The following URI1 variants were observed in gnomAD, a reference collection of about 807,000 sequenced individuals.
URI1 encodes unconventional prefoldin RPB5 interactor 1.
A neutral mutation model predicts 60.2 loss-of-function variants in URI1; 39 were observed. That is an observed-to-expected ratio of 0.65 (90% CI 0.50 to 0.85). The LOEUF is 0.85. URI1 is among the 40% of genes least tolerant of loss of function. The pLI is 0.00. For synonymous variants in URI1, 251 were observed against 236.8 expected (o/e 1.06, Z -0.55); for missense variants, 691 against 665.9 (o/e 1.04, Z -0.42).
At chr19:29,991,105 A>T (rs1283808165) in intron 4 of URI1, among the ~76,000 whole-genome samples, 1 of 152,088 alleles carries the variant, frequency 6.6e-6, no homozygotes, top group Non-Finnish European at 1.5e-5. Context: ...TTGCCTTTCC[A>T]TATACATTTT....
chr19:29,970,257 C>G (rs2055443152), intron 1 of URI1, among the ~76,000 whole-genome samples: 3 of 147,864 alleles, frequency 2.0e-5, no homozygotes, highest in Admixed American at 6.9e-5. Context: ...TAATGCTGCT[C>G]TCTTTTTCTC....
intron 3 of URI1, 57 bp downstream of exon 3, chr19:29,985,358 A>G (rs2055655686): frequency 1.1e-5 from 16 of 1,431,586 alleles, no homozygotes; most frequent in Non-Finnish European, 1.5e-5. Context: ...CATATTAACT[A>G]TGTGTCGGTT....
chr19:30,005,178 A>G (rs1312292438), intron 4 of URI1, among the ~76,000 whole-genome samples, 183 bp from the exon 5 acceptor site: 1 of 152,060 alleles, frequency 6.6e-6, no homozygotes, highest in Non-Finnish European at 1.5e-5. Context: ...AATGTGCTAT[A>G]TATATAGCAC....
At chr19:29,939,308 T>C (rs1305271494), upstream of URI1, among the ~76,000 whole-genome samples, 3 of 141,074 alleles carry the variant, frequency 2.1e-5, no homozygotes, top group Non-Finnish European at 4.6e-5. Flanking sequence ...GAAGTGTCAT[T>C]CTGTTGCCCA....
At chr19:29,995,252 G>C (rs965795136) in intron 4 of URI1, among the ~76,000 whole-genome samples, 2 of 151,980 alleles carry the variant, frequency 1.3e-5, no homozygotes, top group African/African-American at 4.8e-5. Context: ...ATATCATCAA[G>C]GAATATAGTT....
chr19:29,960,229 A>G (rs1599675857), intron 1 of URI1, among the ~76,000 whole-genome samples: 2 of 151,906 alleles, frequency 1.3e-5, no homozygotes, highest in Non-Finnish European at 2.9e-5. Flanking sequence ...ATTTTTCATA[A>G]TTTACTTGGA....
At position 30,009,115 on chromosome 19, in the gene URI1, C is replaced by T. The variant is rs1232561088; in HGVS notation, c.797C>T (p.Thr266Ile). 1 of 1,613,732 alleles carries T rather than the reference C, an allele frequency of 6.2e-7. No homozygotes were observed. ...NAMHQVTDSH[T>I]PCHKDVASSE... ...ATGCATCAAGTAACAGACTCTCATACTCCTTGTCATAAGGATGTTGCAAGT... is the reference window on the plus strand; with the variant it reads ...ATGCATCAAGTAACAGACTCTCATATTCCTTGTCATAAGGATGTTGCAAGT... Residue 266 changes from threonine to isoleucine, a missense_variant, in exon 8 of 11, where the codon ACT becomes ATT. Transcript: ENST00000392271.
At chr19:29,986,919 GC>G (rs2055678830) in intron 4 of URI1, among the ~76,000 whole-genome samples, 1 of 152,132 alleles carries the variant, frequency 6.6e-6, no homozygotes, top group Non-Finnish European at 1.5e-5. Flanking sequence ...GTGAAAAGGT[GC>G]TACCTAAAAC....
chr19:29,957,738 A>G (rs1258508374), intron 1 of URI1, among the ~76,000 whole-genome samples: 1 of 152,174 alleles, frequency 6.6e-6, no homozygotes, highest in African/African-American at 2.4e-5. Flanking sequence ...AGATGTTTAC[A>G]ATATTAAGTT....
intron 9 of URI1, 81 bp downstream of exon 9, chr19:30,011,317 A>G: frequency 6.7e-7 from 1 of 1,490,994 alleles, no homozygotes; most frequent in Non-Finnish European, 8.9e-7. Context: ...GAGAAAGTTG[A>G]CTGTAACACA....
intron 7 of URI1, among the ~76,000 whole-genome samples, chr19:30,008,382 T>A (rs1299349345): frequency 6.6e-6 from 1 of 152,136 alleles, no homozygotes; most frequent in African/African-American, 2.4e-5. Context: ...CTATTCATTT[T>A]TTAAAACCAG....
intron 1 of URI1, among the ~76,000 whole-genome samples, chr19:29,943,230 G>T (rs2055055785): frequency 6.6e-6 from 1 of 151,966 alleles, no homozygotes; most frequent in Non-Finnish European, 1.5e-5. Context: ...AAAGTGTTGG[G>T]ATTATAGGCC....
At chr19:30,002,553 A>C (rs2055891492) in intron 4 of URI1, among the ~76,000 whole-genome samples, 1 of 152,032 alleles carries the variant, frequency 6.6e-6, no homozygotes. Flanking sequence ...AAATAAATAA[A>C]AACTATACCT....
intron 1 of URI1, among the ~76,000 whole-genome samples, chr19:29,967,722 C>T (rs1278934593): frequency 6.6e-6 from 1 of 152,188 alleles, no homozygotes; most frequent in African/African-American, 2.4e-5. Flanking sequence ...TGGTTGGAAG[C>T]AGGCCAGTAT....
intron 2 of URI1, among the ~76,000 whole-genome samples, chr19:29,984,055 C>T (rs889110960): frequency 5.9e-5 from 9 of 152,194 alleles, no homozygotes; most frequent in African/African-American, 2.2e-4. Context: ...CTGATGAGGA[C>T]TAAAGCATCT....
At chr19:29,984,246 C>T (rs115785799) in intron 2 of URI1, among the ~76,000 whole-genome samples, 3 of 151,904 alleles carry the variant, frequency 2.0e-5, no homozygotes, top group African/African-American at 4.8e-5. Flanking sequence ...GCCAACGTGG[C>T]GAAGAAACCT....
upstream of URI1, among the ~76,000 whole-genome samples, chr19:29,941,491 C>T (rs558038425): frequency 2.0e-5 from 3 of 152,050 alleles, no homozygotes; most frequent in South Asian, 4.2e-4. Context: ...TGTGTTGGTG[C>T]GGGCCAGTGG....
At chr19:29,927,535 TAC>T in intron 1 of URI1, among the ~76,000 whole-genome samples, 1 of 147,024 alleles carries the variant, frequency 6.8e-6, no homozygotes. Context: ...GTACTGGGAT[TAC>T]AAGCATGAGC....
chr19:29,942,517 C>T lies in URI1; in HGVS notation c.-31C>T. ...CCTGCGCAGGCGCTGGTTCAGGACT[C>T]ACACGCCGCGCTGAGGCCCGCGGGC... On this transcript the variant is annotated 5_prime_UTR_variant, in exon 1 of 11. Transcript: ENST00000392271. 1.5e-6 allele frequency: 2 copies of T among 1,346,188 alleles called. No homozygotes were observed. Among genetic ancestry groups the T allele is most frequent in the Non-Finnish European group, 1.9e-6 (2 of 1,047,372 alleles). The allele number at this position is 1,346,188 out of a possible 1,614,324, so 83.4% of individuals were successfully genotyped here. A position where few individuals can be genotyped will look rare whatever the true frequency, so the allele number is the denominator to read the frequency against.
Sources: allele counts gnomAD v4.1 joint callset (sites outside exome capture counted in the v4.1 genomes callset), GRCh38; gene constraint gnomAD v4.1.1; transcripts MANE v1.5; gene names NCBI Gene and HGNC (gene_info 2026-07-23, HGNC 2026-07-21).